ABCB5: variants seen among roughly 807,000 people sequenced by gnomAD.
ABCB5 encodes ATP binding cassette subfamily B member 5, also known as ATP-binding cassette sub-family B member 5.
A neutral mutation model predicts 144.2 loss-of-function variants in ABCB5; 155 were observed. The ratio of observed to expected loss-of-function variants is 1.08; its 90% CI spans 0.94 to 1.23. ABCB5 has a LOEUF of 1.23. Ranked by LOEUF, ABCB5 falls within the 50% of genes most tolerant of loss-of-function variation. The pLI is 0.00. For missense variants in ABCB5, 1,830 were observed against 1,520.8 expected (o/e 1.20, Z -3.38); for synonymous variants, 610 against 528.6 (o/e 1.15, Z -2.11).
intron 14 of ABCB5, among the ~76,000 whole-genome samples, chr7:20,661,078 C>G (rs898538680): frequency 6.6e-6 from 1 of 152,238 alleles, no homozygotes; most frequent in Non-Finnish European, 1.5e-5. Flanking sequence ...TCAATCTGTT[C>G]TCAACACAGC....
At position 20,711,919 on chromosome 7, in the gene ABCB5, C is replaced by T. The variant is rs865780251; in HGVS notation, c.2421+7112C>T. 4.4e-4 allele frequency among the ~76,000 whole-genome samples: 48 copies of T among 109,530 alleles called. 2 individuals carry two copies. The highest frequency in any genetic ancestry group is 1.9e-3 in the African/African-American group (44 of 23,226). 71.9% of individuals were successfully genotyped at this position (109,530 alleles called of 152,430 possible). A position where few individuals can be genotyped will look rare whatever the true frequency, so the allele number is the denominator to read the frequency against. ...TTCCTTCCTTCCTTCCTTTCTTTCT[C>T]TCTCTTTCTTTTTCTTTCTTTCTTT... is the stretch of plus-strand genomic sequence containing the variant. On this transcript the variant is annotated intron_variant, in intron 20 of 27. Transcript: ENST00000404938.
intron 2 of ABCB5, among the ~76,000 whole-genome samples, chr7:20,624,375 G>A (rs1171527919): frequency 6.6e-6 from 1 of 152,160 alleles, no homozygotes; most frequent in Non-Finnish European, 1.5e-5. Context: ...CATCTTTAAA[G>A]TGGTCATGAT....
chr7:20,691,305 G>A (rs899010987), intron 16 of ABCB5, among the ~76,000 whole-genome samples: 4 of 149,310 alleles, frequency 2.7e-5, no homozygotes, highest in African/African-American at 9.8e-5. Context: ...GAGTTGAGGA[G>A]ACAGAGCTAA....
At chr7:20,724,302 T>C (rs2128050157) in intron 21 of ABCB5, among the ~76,000 whole-genome samples, 1 of 152,160 alleles carries the variant, frequency 6.6e-6, no homozygotes, top group South Asian at 2.1e-4. Context: ...CTTTAGCAGC[T>C]GAATCGCTGT....
intron 24 of ABCB5, among the ~76,000 whole-genome samples, chr7:20,740,489 A>G (rs1782528312): frequency 1.3e-5 from 2 of 152,214 alleles, no homozygotes; most frequent in South Asian, 4.1e-4. Context: ...CAGAAATAAG[A>G]CTATCTGGAA....
At chr7:20,650,573 T>TTC (rs1784552569) in intron 12 of ABCB5, among the ~76,000 whole-genome samples, 3 of 151,878 alleles carry the variant, frequency 2.0e-5, no homozygotes, top group African/African-American at 7.3e-5. Context: ...CTTTTCCTTT[T>TTC]TTTTTTTTCT....
intron 16 of ABCB5, among the ~76,000 whole-genome samples, chr7:20,696,650 CACTTTTTA>C (rs1786425358): frequency 6.6e-6 from 1 of 152,010 alleles, no homozygotes; most frequent in Non-Finnish European, 1.5e-5. Flanking sequence ...TTTTAGATAT[CACTTTTTA>C]ACTTTTTAAT....
At chr7:20,687,003 A>AT (rs1786024749) in intron 16 of ABCB5, among the ~76,000 whole-genome samples, 1 of 152,246 alleles carries the variant, frequency 6.6e-6, no homozygotes, top group African/African-American at 2.4e-5. Context: ...ACACTCAGAC[A>AT]TTTTTCCTTT....
At chr7:20,700,932 C>A (rs1446181908) in intron 19 of ABCB5, among the ~76,000 whole-genome samples, 1 of 152,194 alleles carries the variant, frequency 6.6e-6, no homozygotes, top group Non-Finnish European at 1.5e-5. Flanking sequence ...GTCGTCAAAA[C>A]CCATTTTTAA....
chr7:20,667,115 C>A, intron 14 of ABCB5: 1 of 757,606 alleles, frequency 1.3e-6, no homozygotes, highest in Non-Finnish European at 1.6e-6. Flanking sequence ...ACCTCTGAGG[C>A]ACAGTTTTTT....
intron 13 of ABCB5, among the ~76,000 whole-genome samples, chr7:20,652,541 A>G (rs1583396402): frequency 6.6e-6 from 1 of 152,092 alleles, no homozygotes; most frequent in African/African-American, 2.4e-5. Context: ...CTGCGCTCCA[A>G]CCTGAGCAAC....
chr7:20,643,347 A>C lies in ABCB5; in HGVS notation c.478A>C (p.Ile160Leu). The change falls in exon 6 of 28, where the codon ATC becomes CTC. Residue 160 changes from isoleucine (I) to leucine (L), a missense_variant. Coordinates refer to ENST00000404938, the MANE Select transcript of ABCB5 (RefSeq NM_001163941.2). The part of the protein sequence containing the change: ...QDIGWFDSCD[I>L]GELNTRMTDD... Reference sequence around the variant, plus strand: ...CATCGGCTGGTTTGATAGCTGTGACATCGGTGAACTTAACACTCGCATGAC... The same window carrying C: ...CATCGGCTGGTTTGATAGCTGTGACCTCGGTGAACTTAACACTCGCATGAC... The C allele has an allele frequency of 1.2e-6, 2 of 1,613,990 alleles. No individual in the cohort carries two copies.
At chr7:20,676,509 G>C (rs900520683) in intron 14 of ABCB5, among the ~76,000 whole-genome samples, 3 of 152,164 alleles carry the variant, frequency 2.0e-5, no homozygotes, top group Non-Finnish European at 4.4e-5. Flanking sequence ...GACAAATACT[G>C]CATGATTTCT....
chr7:20,669,058 A>G (rs1450597216), intron 14 of ABCB5, among the ~76,000 whole-genome samples: 119 of 135,708 alleles, frequency 8.8e-4, no homozygotes, highest in African/African-American at 3.3e-3. Flanking sequence ...CTGGGAAGTG[A>G]GGAGCCCCTC....
intron 26 of ABCB5, among the ~76,000 whole-genome samples, chr7:20,748,801 T>C (rs906604956): frequency 2.0e-5 from 3 of 151,966 alleles, no homozygotes; most frequent in Admixed American, 6.6e-5. Context: ...TCCAGTAACA[T>C]GCAGTAAGCA....
Position 20,651,481 on chromosome 7 carries a change from GAGTGGTT to G in ABCB5, c.1398_1404del (p.Val467LysfsTer21), listed in dbSNP as rs762879213. On this transcript the variant is annotated frameshift_variant, in exon 13 of 28. Coordinates refer to ENST00000404938, the MANE Select transcript of ABCB5 (RefSeq NM_001163941.2). LOFTEE classifies it high-confidence loss of function. ...GTGCGGCATTATCGAGACCATATTG[GAGTGGTT>G]AGTCAAGAGCCTGTTTTGTTCGGGA... The G allele has an allele frequency of 6.2e-7, 1 of 1,614,074 alleles. No individual in the cohort carries two copies. The highest frequency in any genetic ancestry group is 1.1e-5 in the South Asian group (1 of 91,076).
chr7:20,723,359 T>C (rs1781935769), intron 21 of ABCB5, 140 bp downstream of exon 21: 1 of 898,658 alleles, frequency 1.1e-6, no homozygotes, highest in Non-Finnish European at 1.7e-6. Flanking sequence ...AAGTGATATG[T>C]ATAGAGAGAG....
intron 26 of ABCB5, among the ~76,000 whole-genome samples, chr7:20,749,322 G>A (rs1293506292): frequency 1.3e-5 from 2 of 149,696 alleles, no homozygotes; most frequent in African/African-American, 2.5e-5. Context: ...TGACCTCCTG[G>A]GCTCAAGTGT....
chr7:20,634,340 A>G (rs751045082), intron 5 of ABCB5, among the ~76,000 whole-genome samples: 5 of 151,778 alleles, frequency 3.3e-5, no homozygotes, highest in Non-Finnish European at 5.9e-5. Flanking sequence ...GCTATTGTGA[A>G]TAGGGCTACA....
Sources: gnomAD v4.1 joint callset for allele counts (sites outside exome capture counted in the v4.1 genomes callset) on GRCh38, gnomAD v4.1.1 for gene constraint, MANE v1.5 for transcripts, NCBI Gene and HGNC (gene_info 2026-07-23, HGNC 2026-07-21) for gene names.